Variants in TASP1 observed in about 807,000 individuals in gnomAD.
TASP1 encodes the protein threonine aspartase 1.
Under a neutral mutation model 56.6 loss-of-function variants are expected in TASP1, and 16 were observed. That is an observed-to-expected ratio of 0.28 (90% CI 0.19 to 0.43). The LOEUF (loss-of-function observed/expected upper bound fraction) is 0.43. Among genes scored for constraint, TASP1 ranks in the 20% least tolerant of loss-of-function variants. TASP1 has a pLI of 1.00. For missense variants in TASP1, 393 were observed against 511.6 expected (o/e 0.77, Z 2.24); for synonymous variants, 179 against 184.2 (o/e 0.97, Z 0.23).
chr20:13,407,741 T>C (rs1600701930), intron 13 of TASP1, among the ~76,000 whole-genome samples: 1 of 152,178 alleles, frequency 6.6e-6, no homozygotes, highest in African/African-American at 2.4e-5. Context: ...CCAAGACTTG[T>C]TAATATTCAC....
chr20:13,419,582 A>G (rs2042368470), intron 12 of TASP1, among the ~76,000 whole-genome samples: 1 of 152,212 alleles, frequency 6.6e-6, no homozygotes, highest in Admixed American at 6.5e-5. Flanking sequence ...GTCCCTGATA[A>G]TAAAACTGCA....
chr20:13,494,254 A>C (rs1432701864), intron 10 of TASP1, among the ~76,000 whole-genome samples: 1 of 152,184 alleles, frequency 6.6e-6, no homozygotes, highest in Admixed American at 6.5e-5. Context: ...TCTATGCTTC[A>C]GCTTCCTCAT....
intron 8 of TASP1, among the ~76,000 whole-genome samples, chr20:13,541,893 A>T (rs1341945988): frequency 6.6e-6 from 1 of 151,998 alleles, no homozygotes; most frequent in East Asian, 1.9e-4. Context: ...AAAATACAAA[A>T]CATGAGCCAG....
intron 1 of TASP1, among the ~76,000 whole-genome samples, chr20:13,631,538 A>G (rs1043766322): frequency 6.6e-6 from 1 of 152,244 alleles, no homozygotes; most frequent in Non-Finnish European, 1.5e-5. Context: ...GTCAGCCTAT[A>G]ATGCCATCAT....
At chr20:13,262,234 A>C in the TASP1 span, among the ~76,000 whole-genome samples, 2 of 152,190 alleles carry the variant, frequency 1.3e-5, no homozygotes, top group Non-Finnish European at 2.9e-5. Context: ...GCTGAAGAGG[A>C]GGGATGGAAG....
intron 9 of TASP1, among the ~76,000 whole-genome samples, chr20:13,532,662 T>C (rs1041411404): frequency 6.6e-6 from 1 of 152,216 alleles, no homozygotes; most frequent in African/African-American, 2.4e-5. Context: ...TCTAGATTGT[T>C]AGACGTAATA....
chr20:13,574,377 T>C (rs557964616), intron 6 of TASP1, among the ~76,000 whole-genome samples: 71 of 152,254 alleles, frequency 4.7e-4, no homozygotes, highest in African/African-American at 1.6e-3. Context: ...GAATAGTTTT[T>C]AAAATACAAA....
chr20:13,556,424 A>G (rs1383961177), intron 8 of TASP1, among the ~76,000 whole-genome samples: 1 of 152,172 alleles, frequency 6.6e-6, no homozygotes, highest in Non-Finnish European at 1.5e-5. Flanking sequence ...CCCATGGAGA[A>G]CTTTGCAAAA....
intron 11 of TASP1, among the ~76,000 whole-genome samples, chr20:13,465,851 G>A (rs920262310): frequency 5.9e-5 from 9 of 152,008 alleles, no homozygotes; most frequent in African/African-American, 2.2e-4. Flanking sequence ...GTGGGTGAGT[G>A]ATAGTCAGGT....
chr20:13,106,542 G>T, the TASP1 span, among the ~76,000 whole-genome samples: 1 of 152,154 alleles, frequency 6.6e-6, no homozygotes, highest in African/African-American at 2.4e-5. Flanking sequence ...GAATCAGGAG[G>T]CTGTGTGTTG....
At chr20:13,104,956 CATGGGG>C in the TASP1 span, among the ~76,000 whole-genome samples, 1 of 151,960 alleles carries the variant, frequency 6.6e-6, no homozygotes, top group East Asian at 1.9e-4. Context: ...TCAGAGGTGT[CATGGGG>C]ATTAACATAA....
At position 13,606,786 on chromosome 20, in the gene TASP1, G is replaced by A. The variant is rs550813663; in HGVS notation, c.282+16660C>T. Among the ~76,000 whole-genome samples the A allele has an allele frequency of 2.3e-3, 321 of 142,232 alleles. 1 individual carries two copies. The highest frequency in any genetic ancestry group is 3.5e-3 in the Non-Finnish European group (236 of 66,622). 93.3% of individuals were successfully genotyped at this position (142,232 alleles called of 152,430 possible). A position where few individuals can be genotyped will look rare whatever the true frequency, so the allele number is the denominator to read the frequency against. On this transcript the variant is annotated intron_variant, in intron 4 of 13. Coordinates refer to ENST00000337743, the MANE Select transcript of TASP1 (RefSeq NM_017714.3). ...CACGCCACTGCACTCCAGCCTGGGCGACTGAGCGAGACTCCGTCTCAAAAA... is the reference window on the plus strand; with the variant it reads ...CACGCCACTGCACTCCAGCCTGGGCAACTGAGCGAGACTCCGTCTCAAAAA...
intron 1 of TASP1, among the ~76,000 whole-genome samples, chr20:13,631,981 G>A (rs1163390755): frequency 6.6e-6 from 1 of 151,962 alleles, no homozygotes; most frequent in Non-Finnish European, 1.5e-5. Context: ...GAACCCAGGA[G>A]GTGGAGGTTG....
chr20:13,321,264 A>T, the TASP1 span, among the ~76,000 whole-genome samples: 7 of 150,888 alleles, frequency 4.6e-5, no homozygotes, highest in African/African-American at 1.7e-4. Context: ...AAAAAAAAAA[A>T]AAAAAAAAAA....
chr20:13,431,031 A>C (rs187484711), intron 12 of TASP1, among the ~76,000 whole-genome samples: 1 of 152,328 alleles, frequency 6.6e-6, no homozygotes, highest in East Asian at 1.9e-4. Context: ...AATTTTGAGA[A>C]AAGAAAGTGG....
chr20:13,371,156 T>C, the TASP1 span, among the ~76,000 whole-genome samples: 1 of 152,132 alleles, frequency 6.6e-6, no homozygotes, highest in Non-Finnish European at 1.5e-5. Context: ...TTCAATTCGT[T>C]ATTTCATTAA....
the TASP1 span, among the ~76,000 whole-genome samples, chr20:13,380,685 T>TTC: frequency 6.6e-6 from 1 of 152,178 alleles, no homozygotes; most frequent in Non-Finnish European, 1.5e-5. Context: ...CAGCTGCCCC[T>TTC]TCTCCCAGGT....
chr20:13,461,526 G>C (rs2044051276), intron 11 of TASP1, among the ~76,000 whole-genome samples: 1 of 152,146 alleles, frequency 6.6e-6, no homozygotes, highest in Non-Finnish European at 1.5e-5. Flanking sequence ...TCTAGGCCAG[G>C]AATTGGCAAG....
chr20:13,462,895 C>T (rs910962163), intron 11 of TASP1, among the ~76,000 whole-genome samples: 41 of 152,084 alleles, frequency 2.7e-4, no homozygotes, highest in African/African-American at 9.6e-4. Flanking sequence ...AATGGAAAGG[C>T]ATCTTGTGTT....
Sources: allele counts gnomAD v4.1 joint callset (sites outside exome capture counted in the v4.1 genomes callset), GRCh38; gene constraint gnomAD v4.1.1; transcripts MANE v1.5; gene names NCBI Gene and HGNC (gene_info 2026-07-23, HGNC 2026-07-21).